Variants in COX15 observed in about 807,000 individuals in gnomAD.
The protein encoded by COX15 is heme A synthase COX15.
A neutral mutation model predicts 51.9 loss-of-function variants in COX15; 51 were observed. The ratio of observed to expected loss-of-function variants is 0.98; its 90% CI spans 0.78 to 1.24. COX15 has a LOEUF of 1.24. COX15 is among the 50% of genes most tolerant of loss of function. The probability of loss-of-function intolerance (pLI) is 0.00; values close to 1 mark genes in which losing one functional copy is unlikely to be tolerated. For missense variants in COX15, 420 were observed against 501.1 expected, an observed-to-expected ratio of 0.84 and a Z score of 1.55; for synonymous variants, 188 against 190.5, an observed-to-expected ratio of 0.99 and a Z score of 0.11.
At chr10:99,722,727 G>A (rs956304824) in intron 5 of COX15, among the ~76,000 whole-genome samples, 10 of 151,972 alleles carry the variant, frequency 6.6e-5, no homozygotes, top group South Asian at 2.1e-4. Flanking sequence ...CCAGCTACTC[G>A]GGAGGCTGAG....
In COX15 at chr10:99,711,122, C is replaced by A. The variant is rs1490105057; in HGVS notation, c.*3465G>T. 1.0e-6 allele frequency: 1 copy of A among 984,744 alleles called. No homozygotes were observed. 61.0% of individuals were successfully genotyped at this position (984,744 alleles called of 1,614,324 possible). A position where few individuals can be genotyped will look rare whatever the true frequency, so the allele number is the denominator to read the frequency against. ...AATACAAAAAAAACCCTAAGATAAT[C>A]ATTCACCAGAAGCTCATAGATATAA... is the stretch of plus-strand genomic sequence containing the variant. On this transcript the variant is annotated 3_prime_UTR_variant, in exon 9 of 9. Coordinates refer to ENST00000016171, the MANE Select transcript of COX15 (RefSeq NM_078470.6).
chr10:99,723,414 T>C (rs2036843167), intron 5 of COX15, among the ~76,000 whole-genome samples: 2 of 152,052 alleles, frequency 1.3e-5, no homozygotes, highest in Non-Finnish European at 1.5e-5. Context: ...AGTGCTGGGA[T>C]TACAGGCGTG....
chr10:99,731,863 G>A, intron 1 of COX15, 97 bp downstream of exon 1: 2 of 1,487,672 alleles, frequency 1.3e-6, no homozygotes, highest in South Asian at 1.2e-5. Flanking sequence ...ACTGTAAGGA[G>A]CTCCGGAAAC....
rs184330466 is a variant in COX15, at chr10:99,711,222, T to G, written c.*3365A>C. The G allele has an allele frequency of 2.6e-5, 26 of 985,316 alleles. No homozygotes were observed. The African/African-American group carries it at 4.4e-4, about 17-fold the overall frequency. The allele number at this position is 985,316 out of a possible 1,614,324, so 61.0% of individuals were successfully genotyped here. A position where few individuals can be genotyped will look rare whatever the true frequency, so the allele number is the denominator to read the frequency against. On this transcript the variant is annotated 3_prime_UTR_variant, in exon 9 of 9. Coordinates refer to ENST00000016171, the MANE Select transcript of COX15 (RefSeq NM_078470.6). The stretch of plus-strand genomic sequence containing the variant: ...CATCTGTAATAAAAGAAAAATGAAG[T>G]AAAACATCTGAAACCTTAACTTACT...
In COX15 at chr10:99,711,736, A is replaced by G; in HGVS notation, c.*2851T>C. 2.0e-5 allele frequency: 20 copies of G among 985,478 alleles called. No individual in the cohort carries two copies. The highest frequency in any genetic ancestry group is 2.4e-5 in the Non-Finnish European group (20 of 829,948). 61.0% of individuals were successfully genotyped at this position (985,478 alleles called of 1,614,324 possible). A position where few individuals can be genotyped will look rare whatever the true frequency, so the allele number is the denominator to read the frequency against. On this transcript the variant is annotated 3_prime_UTR_variant, in exon 9 of 9. Coordinates refer to ENST00000016171, the MANE Select transcript of COX15 (RefSeq NM_078470.6). ...AGAAGTTGGGAATCTCTTCTAGGCA[A>G]TAGCATAAGCCCAGCCAGGGTCCAG...
chr10:99,724,039 G>A lies in COX15; in HGVS notation c.667C>T (p.Leu223Phe). Reference protein sequence around the residue: ...HDIPRVSQYRLAAHLGSALVL... With the variant: ...HDIPRVSQYRFAAHLGSALVL... The stretch of plus-strand genomic sequence containing the variant: ...AGGGCTGATCCCAGGTGGGCAGCAA[G>A]GCGGTACTGACTGACCCGAGGGATG... The change falls in exon 5 of 9, where the codon CTT becomes TTT. Residue 223 changes from leucine (L) to phenylalanine (F), a missense_variant. By Grantham distance (22) the Leu-to-Phe change is conservative. Transcript: ENST00000016171. 1 of 1,614,144 alleles carries A rather than the reference G, an allele frequency of 6.2e-7. No homozygotes were observed. Among genetic ancestry groups the A allele is most frequent in the South Asian group, 1.1e-5 (1 of 91,080 alleles).
chr10:99,702,430 G>C, the COX15 span: 1 of 1,225,242 alleles, frequency 8.2e-7, no homozygotes, highest in Non-Finnish European at 1.1e-6. Context: ...ATAACTTGTG[G>C]GAATACGGAG....
intron 8 of COX15, 85 bp downstream of exon 8, chr10:99,716,263 G>T: frequency 1.0e-6 from 1 of 958,496 alleles, no homozygotes; most frequent in Non-Finnish European, 1.7e-6. Context: ...AAAGTGCTGG[G>T]ATTACAGCCA....
intron 6 of COX15, among the ~76,000 whole-genome samples, chr10:99,719,462 G>C (rs1285517433): frequency 6.6e-6 from 1 of 151,798 alleles, no homozygotes; most frequent in African/African-American, 2.4e-5. Context: ...CCAAAGTGCT[G>C]GGATTACAGG....
At chr10:99,698,411 C>T in the COX15 span, 15 of 945,034 alleles carry the variant, frequency 1.6e-5, no homozygotes, top group African/African-American at 5.0e-5. Flanking sequence ...ACTCCATCCT[C>T]GTTTCTAGAG....
the COX15 span, chr10:99,697,855 C>A: frequency 6.5e-6 from 1 of 153,070 alleles, no homozygotes; most frequent in Non-Finnish European, 1.5e-5. Context: ...AATTTCTGTC[C>A]TTGGACAGAT....
At chr10:99,701,327 G>C in the COX15 span, among the ~76,000 whole-genome samples, 1 of 149,536 alleles carries the variant, frequency 6.7e-6, no homozygotes, top group East Asian at 2.0e-4. Flanking sequence ...TCACTTTGTT[G>C]CCCAGGCTGG....
chr10:99,725,031 T>C (rs2036905596), intron 4 of COX15, among the ~76,000 whole-genome samples: 1 of 152,218 alleles, frequency 6.6e-6, no homozygotes, highest in African/African-American at 2.4e-5. Flanking sequence ...CTTGATTTTG[T>C]AAAAGTTGGT....
chr10:99,709,113 C>T (rs2036309450), downstream of COX15: 1 of 982,430 alleles, frequency 1.0e-6, no homozygotes, highest in Non-Finnish European at 1.2e-6. Flanking sequence ...ATACAATTTC[C>T]TTTACTACAA....
Position 99,713,406 on chromosome 10 carries a change from T to A in COX15, c.*1181A>T. The A allele has an allele frequency of 6.2e-7, 1 of 1,614,008 alleles. No homozygotes were observed. Among genetic ancestry groups the A allele is most frequent in the East Asian group, 2.2e-5 (1 of 44,876 alleles). On this transcript the variant is annotated 3_prime_UTR_variant, in exon 9 of 9. Coordinates refer to ENST00000016171, the MANE Select transcript of COX15 (RefSeq NM_078470.6). ...ATATTAGCAATATTGGGTTGCTCCA[T>A]CCTCAAATCAGATGTTTCTGATGCC...
At chr10:99,721,307 T>C (rs1382312674) in intron 5 of COX15, among the ~76,000 whole-genome samples, 1 of 152,232 alleles carries the variant, frequency 6.6e-6, no homozygotes, top group Non-Finnish European at 1.5e-5. Flanking sequence ...GGAACTGCCA[T>C]CTTTTTTACT....
the COX15 span, chr10:99,704,390 TA>T: frequency 3.9e-6 from 6 of 1,539,596 alleles, no homozygotes; most frequent in Non-Finnish European, 5.4e-6. Flanking sequence ...TTCAAATCAG[TA>T]AATGTCTCCC....
chr10:99,729,220 G>A (rs1287248271), intron 2 of COX15, among the ~76,000 whole-genome samples: 5 of 152,168 alleles, frequency 3.3e-5, no homozygotes, highest in Non-Finnish European at 7.3e-5. Flanking sequence ...CTGGCACTTT[G>A]GGAGGCCGAG....
At chr10:99,705,254 T>C in the COX15 span, 1 of 158,692 alleles carries the variant, frequency 6.3e-6, no homozygotes, top group African/African-American at 2.4e-5. Flanking sequence ...GAAGCCATCA[T>C]GGGTGTGATC....
Sources: allele counts gnomAD v4.1 joint callset (sites outside exome capture counted in the v4.1 genomes callset), GRCh38; gene constraint gnomAD v4.1.1; transcripts MANE v1.5; gene names NCBI Gene and HGNC (gene_info 2026-07-23, HGNC 2026-07-21).